CDK14: variants seen among roughly 807,000 people sequenced by gnomAD.
The protein encoded by CDK14 is cyclin dependent kinase 14, also known as cyclin-dependent kinase 14.
Under a neutral mutation model 60.7 loss-of-function variants are expected in CDK14, and 34 were observed. The observed-to-expected ratio is 0.56, with a 90% CI of 0.43 to 0.75. The LOEUF (loss-of-function observed/expected upper bound fraction) is 0.75. Ranked by LOEUF, CDK14 falls within the 30% of genes least tolerant of loss-of-function variation. CDK14 has a pLI of 0.00. For missense variants in CDK14, 482 were observed against 564.1 expected, an observed-to-expected ratio of 0.85 and a Z score of 1.47; for synonymous variants, 197 against 203.7, an observed-to-expected ratio of 0.97 and a Z score of 0.28.
intron 5 of CDK14, among the ~76,000 whole-genome samples, chr7:90,846,171 C>G (rs1288007999): frequency 1.3e-5 from 2 of 152,128 alleles, no homozygotes; most frequent in African/African-American, 4.8e-5. Context: ...AACTCAAGTT[C>G]CTTGAGCTTA....
At chr7:91,137,615 T>TGCACACACACAC (rs1028561996) in intron 14 of CDK14, among the ~76,000 whole-genome samples, 1 of 151,932 alleles carries the variant, frequency 6.6e-6, no homozygotes, top group Non-Finnish European at 1.5e-5. Flanking sequence ...ACATGCACTG[T>TGCACACACACAC]GCACACACAC....
intron 11 of CDK14, among the ~76,000 whole-genome samples, chr7:91,053,146 G>A (rs148476919): frequency 1.4e-3 from 208 of 152,212 alleles, no homozygotes; most frequent in Non-Finnish European, 2.1e-3. Flanking sequence ...AACACCTTAC[G>A]TTTTATGCTA....
intron 2 of CDK14, among the ~76,000 whole-genome samples, chr7:90,705,741 G>A (rs1467451845): frequency 6.6e-6 from 1 of 150,890 alleles, no homozygotes; most frequent in African/African-American, 2.4e-5. Flanking sequence ...GGCACATATA[G>A]GGCCATAATA....
intron 1 of CDK14, 102 bp downstream of exon 1, chr7:90,596,820 C>T: frequency 1.0e-6 from 1 of 962,376 alleles, no homozygotes; most frequent in Non-Finnish European, 1.6e-6. Flanking sequence ...GCGGGGCTGG[C>T]GTGGGGTGCG....
In CDK14 at chr7:90,946,740, T is replaced by C. The variant is rs376060397; in HGVS notation, c.827-8957T>C. Among the ~76,000 whole-genome samples, 31 of 152,318 alleles carry C rather than the reference T, an allele frequency of 2.0e-4. No individual in the cohort carries two copies. The East Asian group carries it at 5.6e-3, about 27-fold the overall frequency. On this transcript the variant is annotated intron_variant, in intron 8 of 14. Transcript: ENST00000380050. ...TCAGTGTTATTTATTACATGCCCTT[T>C]AGATTGGCTTTGACCACACCCCAGT...
At chr7:90,742,424 T>TCA (rs1204185124) in intron 3 of CDK14, among the ~76,000 whole-genome samples, 46 of 152,174 alleles carry the variant, frequency 3.0e-4, no homozygotes, top group African/African-American at 8.2e-4. Flanking sequence ...TAAACTGAGT[T>TCA]ATGTTCTCTT....
intron 7 of CDK14, among the ~76,000 whole-genome samples, chr7:90,901,208 C>T (rs186160740): frequency 6.6e-6 from 1 of 152,236 alleles, no homozygotes; most frequent in East Asian, 1.9e-4. Context: ...CCAGGTTGCA[C>T]CATGGTGATA....
chr7:90,646,965 C>A (rs1800483594), intron 2 of CDK14, among the ~76,000 whole-genome samples: 1 of 152,138 alleles, frequency 6.6e-6, no homozygotes, highest in Non-Finnish European at 1.5e-5. Flanking sequence ...GACTCACACC[C>A]TCATCTGAAA....
intron 11 of CDK14, among the ~76,000 whole-genome samples, chr7:91,067,657 A>G (rs1489216883): frequency 6.6e-6 from 1 of 152,236 alleles, no homozygotes; most frequent in Non-Finnish European, 1.5e-5. Context: ...AATATTTGCT[A>G]AAAGAATTAA....
At position 90,781,825 on chromosome 7, in the gene CDK14, T is replaced by C. The variant is rs1266034770; in HGVS notation, c.465-8748T>C. Among the ~76,000 whole-genome samples, 112 of 152,180 alleles carry C rather than the reference T, an allele frequency of 7.4e-4. 1 individual carries two copies. The highest frequency in any genetic ancestry group is 1.3e-4 in the Non-Finnish European group (9 of 68,030). On this transcript the variant is annotated intron_variant, in intron 4 of 14. Transcript: ENST00000380050. ...TGCTGTTTTGGTTACTGTAGCCTTGTAGTGTAGTTTGAAGTCAGGTAGCAT... is the reference window on the plus strand; with the variant it reads ...TGCTGTTTTGGTTACTGTAGCCTTGCAGTGTAGTTTGAAGTCAGGTAGCAT...
intron 10 of CDK14, among the ~76,000 whole-genome samples, chr7:91,019,293 C>T (rs1278127291): frequency 3.9e-5 from 6 of 152,152 alleles, no homozygotes; most frequent in African/African-American, 7.2e-5. Flanking sequence ...TAATGGCTTC[C>T]TGGGACTACT....
intron 11 of CDK14, among the ~76,000 whole-genome samples, chr7:91,050,643 G>A (rs1239593051): frequency 6.6e-6 from 1 of 152,168 alleles, no homozygotes; most frequent in African/African-American, 2.4e-5. Context: ...ACAATAAGGA[G>A]TCTGTGTAAG....
chr7:90,677,863 C>A (rs2116551763), intron 2 of CDK14, among the ~76,000 whole-genome samples: 1 of 152,220 alleles, frequency 6.6e-6, no homozygotes. Flanking sequence ...GTGATTGATG[C>A]CTTAGTGCCC....
At chr7:90,671,310 G>A (rs1196511038) in intron 2 of CDK14, among the ~76,000 whole-genome samples, 2 of 148,972 alleles carry the variant, frequency 1.3e-5, no homozygotes, top group Admixed American at 6.7e-5. Flanking sequence ...TTCTTTTTTC[G>A]GGTCTTCATT....
intron 2 of CDK14, among the ~76,000 whole-genome samples, chr7:90,607,306 G>A (rs529695716): frequency 1.8e-4 from 28 of 152,294 alleles, no homozygotes; most frequent in African/African-American, 6.7e-4. Flanking sequence ...TTAAAACTTT[G>A]AGGGTTGGGT....
rs1563030128 is a variant in CDK14, at chr7:90,649,394, C to CTTCCTTCCTTCT, written c.123+45148_123+45149insCTTCCTTCTTTC. On this transcript the variant is annotated intron_variant, in intron 2 of 14. Transcript: ENST00000380050. ...CCTTCCTTCCTTCCTTCCTTCCTTC[C>CTTCCTTCCTTCT]TTCTTTCTTTCTTTCTTTCTTTCTT... 1.8e-3 allele frequency among the ~76,000 whole-genome samples: 53 copies of CTTCCTTCCTTCT among 29,794 alleles called. 13 individuals are homozygous for CTTCCTTCCTTCT. The highest frequency in any genetic ancestry group is 1.8e-3 in the Admixed American group (4 of 2,218). 19.5% of individuals were successfully genotyped at this position (29,794 alleles called of 152,430 possible).
chr7:91,063,238 T>C (rs1339130789), intron 11 of CDK14, among the ~76,000 whole-genome samples: 1 of 152,202 alleles, frequency 6.6e-6, no homozygotes, highest in African/African-American at 2.4e-5. Flanking sequence ...CATAGCTCCT[T>C]CAAGACAAAT....
At chr7:90,608,048 T>C (rs898474395) in intron 2 of CDK14, among the ~76,000 whole-genome samples, 1 of 152,208 alleles carries the variant, frequency 6.6e-6, no homozygotes, top group Admixed American at 6.5e-5. Flanking sequence ...GTATTTTGTG[T>C]CATAGTTTTT....
Position 90,747,732 on chromosome 7 carries a change from C to A in CDK14, c.421C>A (p.Leu141Ile). 6.3e-7 allele frequency: 1 copy of A among 1,597,352 alleles called. No homozygotes were observed. The highest frequency in any genetic ancestry group is 8.5e-7 in the Non-Finnish European group (1 of 1,174,836). The change falls in exon 4 of 15, where the codon CTA (leucine) becomes ATA (isoleucine). Residue 141 changes from leucine (L) to isoleucine (I), a missense_variant. Transcript: ENST00000380050. ...KADSYEKLEK[L>I]GEGSYATVYK... is the part of the protein sequence containing the mutation. ...TGACTCATATGAAAAGCTGGAAAAA[C>A]TAGGGGAAGGATCTTATGCTACAGT...
Sources: gnomAD v4.1 joint callset for allele counts (sites outside exome capture counted in the v4.1 genomes callset) on GRCh38, gnomAD v4.1.1 for gene constraint, MANE v1.5 for transcripts, NCBI Gene and HGNC (gene_info 2026-07-23, HGNC 2026-07-21) for gene names.